EPHB1: variants seen among roughly 807,000 people sequenced by gnomAD.
EPHB1 encodes the protein EPH receptor B1, also known as ephrin type-B receptor 1.
A neutral mutation model predicts 94.4 loss-of-function variants in EPHB1; 30 were observed. The ratio of observed to expected loss-of-function variants is 0.32; its 90% confidence interval spans 0.24 to 0.43. The LOEUF is 0.43. Among genes scored for constraint, EPHB1 ranks in the 20% least tolerant of loss-of-function variants. The pLI is 1.00. For missense variants in EPHB1, 1,055 were observed against 1,308.3 expected (o/e 0.81, Z 2.99); for synonymous variants, 522 against 489.1 (o/e 1.07, Z -0.89).
Position 134,795,574 on chromosome 3 carries a change from G to A in EPHB1, c.-58G>A. The A allele has an allele frequency of 6.4e-7, 1 of 1,556,130 alleles. No homozygotes were observed. ...GAGCGCAGCGGCGCCCTGGGACGCGGCGCTCTCCCGGCGCTGCTGCCTCGG... is the reference window on the plus strand; with the variant it reads ...GAGCGCAGCGGCGCCCTGGGACGCGACGCTCTCCCGGCGCTGCTGCCTCGG... On this transcript the variant is annotated 5_prime_UTR_variant, in exon 1 of 16. Transcript: ENST00000398015.
intron 1 of EPHB1, among the ~76,000 whole-genome samples, chr3:134,825,566 G>A (rs2036462399): frequency 6.6e-6 from 1 of 152,164 alleles, no homozygotes; most frequent in Non-Finnish European, 1.5e-5. Flanking sequence ...GTTTGTACTT[G>A]CCCTGGCCTG....
chr3:135,154,106 T>C (rs1166541171), intron 5 of EPHB1, 46 bp from the exon 6 acceptor site: 1 of 1,612,336 alleles, frequency 6.2e-7, no homozygotes, highest in Non-Finnish European at 8.5e-7. Context: ...CCTTCCCCTA[T>C]AATTGAGTGT....
chr3:135,232,514 G>A (rs1943558586), intron 12 of EPHB1, among the ~76,000 whole-genome samples: 1 of 152,140 alleles, frequency 6.6e-6, no homozygotes, highest in Non-Finnish European at 1.5e-5. Flanking sequence ...CCAACTCCAG[G>A]GTGACTCTTG....
chr3:135,154,862 G>A (rs1941302525), intron 6 of EPHB1, among the ~76,000 whole-genome samples: 1 of 152,192 alleles, frequency 6.6e-6, no homozygotes, highest in African/African-American at 2.4e-5. Context: ...GGGCTGCCAA[G>A]AAAAGGGAAA....
intron 3 of EPHB1, among the ~76,000 whole-genome samples, chr3:134,997,490 G>T (rs1417103883): frequency 6.6e-6 from 1 of 152,024 alleles, no homozygotes; most frequent in Non-Finnish European, 1.5e-5. Context: ...GTCTGCCTGT[G>T]GTTCTTCATT....
chr3:134,930,541 G>T (rs43208), intron 2 of EPHB1, among the ~76,000 whole-genome samples: 1 of 151,682 alleles, frequency 6.6e-6, no homozygotes, highest in South Asian at 2.1e-4. Flanking sequence ...TCTAGCCCTG[G>T]CCTGAAAGAC....
chr3:135,035,826 G>A (rs1194063057), intron 3 of EPHB1, among the ~76,000 whole-genome samples: 6 of 152,174 alleles, frequency 3.9e-5, no homozygotes, highest in Non-Finnish European at 7.3e-5. Context: ...GGCCCATGTG[G>A]AGGGCTGTCT....
chr3:134,908,212 G>T (rs892749237), intron 1 of EPHB1, among the ~76,000 whole-genome samples: 16 of 152,206 alleles, frequency 1.1e-4, no homozygotes, highest in Non-Finnish European at 1.2e-4. Context: ...ATGGTGTGGG[G>T]CCTTCTGCGT....
chr3:135,116,556 C>T (rs1939723302), intron 4 of EPHB1, among the ~76,000 whole-genome samples: 1 of 152,194 alleles, frequency 6.6e-6, no homozygotes. Flanking sequence ...GCCAGTGCCT[C>T]GTGGTGGTCA....
In EPHB1 at chr3:135,241,217, G is replaced by A. The variant is rs2107728097; in HGVS notation, c.2416G>A (p.Asp806Asn). 3 of 1,614,198 alleles carry A rather than the reference G, an allele frequency of 1.9e-6. No individual in the cohort carries two copies. The highest frequency in any genetic ancestry group is 2.5e-6 in the Non-Finnish European group (3 of 1,180,040). Residue 806 changes from aspartate (D) to asparagine (N), a missense_variant, in exon 13 of 16, where the codon GAC (aspartate) becomes AAC (asparagine). Coordinates refer to ENST00000398015, the MANE Select transcript of EPHB1 (RefSeq NM_004441.5). Reference protein sequence around the residue: ...IAYRKFTSASDVWSYGIVMWE... With the variant: ...IAYRKFTSASNVWSYGIVMWE... ...CTACCGCAAGTTCACTTCAGCCAGC[G>A]ACGTTTGGAGCTATGGGATCGTCAT...
chr3:135,061,369 C>CCT (rs764030997), intron 3 of EPHB1, among the ~76,000 whole-genome samples: 2 of 10,646 alleles, frequency 1.9e-4, no homozygotes, highest in Non-Finnish European at 4.5e-4. Flanking sequence ...GGAATGACCA[C>CCT]CCCCCCCGAC....
chr3:134,893,351 C>G (rs1429936767), intron 1 of EPHB1, among the ~76,000 whole-genome samples: 4 of 152,176 alleles, frequency 2.6e-5, no homozygotes, highest in Admixed American at 2.6e-4. Context: ...TCAGTGGTTT[C>G]CTTTTGCTCT....
intron 3 of EPHB1, among the ~76,000 whole-genome samples, chr3:135,046,495 C>T (rs1937003790): frequency 6.6e-6 from 1 of 152,194 alleles, no homozygotes; most frequent in Admixed American, 6.5e-5. Context: ...ACAGGATTAC[C>T]TGAAATAATA....
chr3:135,143,454 C>T (rs997263967), intron 5 of EPHB1, among the ~76,000 whole-genome samples: 3 of 152,152 alleles, frequency 2.0e-5, no homozygotes, highest in African/African-American at 7.2e-5. Context: ...GTGGTGGGTC[C>T]TCCAGCTGCA....
intron 1 of EPHB1, among the ~76,000 whole-genome samples, chr3:134,902,386 G>A (rs1387046029): frequency 6.6e-6 from 1 of 152,056 alleles, no homozygotes; most frequent in Non-Finnish European, 1.5e-5. Flanking sequence ...GATGGGAAGT[G>A]GTCTCCAAAA....
intron 12 of EPHB1, among the ~76,000 whole-genome samples, chr3:135,227,317 C>T (rs930944879): frequency 6.6e-6 from 1 of 152,106 alleles, no homozygotes; most frequent in Non-Finnish European, 1.5e-5. Context: ...AAAATGTGTT[C>T]AAAGTAAAAA....
chr3:134,884,278 G>A (rs915995704), intron 1 of EPHB1, among the ~76,000 whole-genome samples: 5 of 152,222 alleles, frequency 3.3e-5, no homozygotes, highest in East Asian at 1.9e-4. Flanking sequence ...TGGAGAGGCC[G>A]GGAATTTGAA....
At chr3:134,821,861 A>C (rs1287929693) in intron 1 of EPHB1, among the ~76,000 whole-genome samples, 1 of 152,062 alleles carries the variant, frequency 6.6e-6, no homozygotes, top group African/African-American at 2.4e-5. Flanking sequence ...CTTTTTTCCA[A>C]CCTGGGTTTG....
chr3:135,250,434 AC>A (rs1244662886), intron 15 of EPHB1, among the ~76,000 whole-genome samples: 1 of 152,022 alleles, frequency 6.6e-6, no homozygotes. Flanking sequence ...CTACCTGTCC[AC>A]CCCAGGGCCT....
Sources: allele counts gnomAD v4.1 joint callset (sites outside exome capture counted in the v4.1 genomes callset), GRCh38; gene constraint gnomAD v4.1.1; transcripts MANE v1.5; gene names NCBI Gene and HGNC (gene_info 2026-07-23, HGNC 2026-07-21).